The following PSTPIP1 variants were observed in gnomAD, a reference collection of about 807,000 sequenced individuals.
PSTPIP1 encodes the protein proline-serine-threonine phosphatase-interacting protein 1.
A neutral mutation model predicts 69.6 loss-of-function variants in PSTPIP1; 66 were observed. The observed-to-expected ratio is 0.95, with a 90% CI of 0.78 to 1.16. The LOEUF is 1.16. PSTPIP1 is among the 50% of genes most tolerant of loss of function. The pLI, the probability that PSTPIP1 is intolerant of heterozygous loss-of-function variation, is 0.00. For synonymous variants in PSTPIP1, 266 were observed against 222.7 expected, an observed-to-expected ratio of 1.19 and a Z score of -1.73; for missense variants, 603 against 557.4, an observed-to-expected ratio of 1.08 and a Z score of -0.82.
intron 1 of PSTPIP1, among the ~76,000 whole-genome samples, chr15:77,004,630 G>A (rs536238421): frequency 1.3e-5 from 2 of 151,454 alleles, no homozygotes; most frequent in Admixed American, 6.6e-5. Flanking sequence ...GAGGTGGGAA[G>A]ATCACTTGAA....
Position 77,037,116 on chromosome 15 carries a change from G to C in PSTPIP1, c.1191G>C (p.Trp397Cys). 6.2e-7 allele frequency: 1 copy of C among 1,612,382 alleles called. No homozygotes were observed. Among genetic ancestry groups the C allele is most frequent in the Non-Finnish European group, 8.5e-7 (1 of 1,179,712 alleles). ...TCCTGGAAGGGGAGGATGGCTGGTG[G>C]ACTGTGGAGAGGAACGGGCAGCGTG... ...EVILEGEDGW[W>C]TVERNGQRGF... The change falls in exon 15 of 15, where the codon TGG becomes TGC. Residue 397 changes from tryptophan to cysteine, a missense_variant. Physicochemically the swap from Trp to Cys is radical, Grantham distance 215. Transcript: ENST00000558012.
Position 77,025,300 on chromosome 15 carries a change from T to G in PSTPIP1, c.229T>G (p.Phe77Val). Residue 77 changes from phenylalanine (F) to valine (V), a missense_variant, in exon 4 of 15, where the codon TTT becomes GTT. Transcript: ENST00000558012. ...GTTTTGCAGCTCCCTGAGGGCCTCC[T>G]TTGACTCCTTGAAGCAGCGTAAGTC... The part of the protein sequence containing the change: ...QTEINSLRAS[F>V]DSLKQQMENV... The G allele has an allele frequency of 3.1e-6, 5 of 1,611,254 alleles. No homozygotes were observed. The highest frequency in any genetic ancestry group is 4.2e-6 in the Non-Finnish European group (5 of 1,177,492).
In PSTPIP1 at chr15:77,032,352, G is replaced by A. The variant is rs104895418; in HGVS notation, c.796G>A (p.Asp266Asn). The stretch of plus-strand genomic sequence containing the variant: ...AGGCTGCAGCATAGACGCCGACATC[G>A]ACAGTTTCATCCAGGCCAAGAGCAC... ...LEGCSIDADI[D>N]SFIQAKSTGT... Residue 266 changes from aspartate to asparagine, a missense_variant, in exon 11 of 15, where the codon GAC becomes AAC. Transcript: ENST00000558012. 232 of 1,612,666 alleles carry A rather than the reference G, an allele frequency of 1.4e-4. No homozygotes were observed. The highest frequency in any genetic ancestry group is 6.4e-4 in the African/African-American group (48 of 75,054).
chr15:77,004,947 C>T (rs2075786849), intron 1 of PSTPIP1, among the ~76,000 whole-genome samples: 1 of 152,034 alleles, frequency 6.6e-6, no homozygotes, highest in Non-Finnish European at 1.5e-5. Context: ...CTAAAAAATC[C>T]CAATGCCCAG....
Position 77,006,825 on chromosome 15 carries a change from C to T in PSTPIP1, c.36+11216C>T, listed in dbSNP as rs537961682. On this transcript the variant is annotated intron_variant, in intron 1 of 14. Coordinates refer to ENST00000558012, the MANE Select transcript of PSTPIP1 (RefSeq NM_003978.5). ...TATATGTCTGTCCTTATGACACTAC[C>T]GCACTACTTCAATTACTGTAGCTTT... is the stretch of plus-strand genomic sequence containing the variant. Among the ~76,000 whole-genome samples the T allele has an allele frequency of 3.5e-4, 54 of 152,274 alleles. 1 individual carries two copies. In the South Asian group the frequency reaches 8.7e-3, roughly 25 times the overall value.
Position 77,032,960 on chromosome 15 carries a change from C to G in PSTPIP1, c.929+8C>G. 6.3e-7 allele frequency: 1 copy of G among 1,591,710 alleles called. No homozygotes were observed. The highest frequency in any genetic ancestry group is 8.6e-7 in the Non-Finnish European group (1 of 1,169,308). ...CTGCGGCATGATAAAGAGGTGAGGC[C>G]CCGACAGACGGAGGGAGGGCCTAAG... On this transcript the variant is annotated splice_region_variant and intron_variant, in intron 12 of 14. Coordinates refer to ENST00000558012, the MANE Select transcript of PSTPIP1 (RefSeq NM_003978.5).
chr15:77,029,513 C>T lies in PSTPIP1; in HGVS notation c.517-16C>T. The T allele has an allele frequency of 6.4e-7, 1 of 1,571,816 alleles. No individual in the cohort carries two copies. Among genetic ancestry groups the T allele is most frequent in the Non-Finnish European group, 8.6e-7 (1 of 1,159,492 alleles). On this transcript the variant is annotated splice_polypyrimidine_tract_variant and intron_variant, in intron 7 of 14. Coordinates refer to ENST00000558012, the MANE Select transcript of PSTPIP1 (RefSeq NM_003978.5). ...TGGGGCAGGGGCTTAGCGCTGCTTC[C>T]CCTCTGTTTCCTCAGAGTCAGAACA... is the stretch of plus-strand genomic sequence containing the variant.
In PSTPIP1 at chr15:77,018,013, C is replaced by T. The variant is rs118083575; in HGVS notation, c.37-135C>T. 6.5e-4 allele frequency: 546 copies of T among 839,160 alleles called. 10 individuals carry two copies. The East Asian group carries it at 0.015, about 23-fold the overall frequency. 52.0% of individuals were successfully genotyped at this position (839,160 alleles called of 1,614,324 possible). A position where few individuals can be genotyped will look rare whatever the true frequency, so the allele number is the denominator to read the frequency against. On this transcript the variant is annotated intron_variant, in intron 1 of 14. Transcript: ENST00000558012. Reference sequence around the variant, plus strand: ...CTGTGTAAAGCCAGGTCTGGAGTCCCAAGAGCTTGCCCTGAGCAGGGGAGA... The same window carrying T: ...CTGTGTAAAGCCAGGTCTGGAGTCCTAAGAGCTTGCCCTGAGCAGGGGAGA...
At chr15:77,036,176 G>A (rs1473581651) in intron 14 of PSTPIP1, among the ~76,000 whole-genome samples, 1 of 152,230 alleles carries the variant, frequency 6.6e-6, no homozygotes, top group African/African-American at 2.4e-5. Context: ...CAGTGTGCAT[G>A]TACTGACTGG....
chr15:77,010,798 C>T (rs2075918880), intron 1 of PSTPIP1, among the ~76,000 whole-genome samples: 1 of 152,090 alleles, frequency 6.6e-6, no homozygotes, highest in Non-Finnish European at 1.5e-5. Flanking sequence ...ATGTGCCCGC[C>T]ACTACGCCCA....
chr15:77,006,288 G>A (rs547672287), intron 1 of PSTPIP1, among the ~76,000 whole-genome samples: 1 of 152,174 alleles, frequency 6.6e-6, no homozygotes, highest in East Asian at 1.9e-4. Flanking sequence ...GTCTATTTAA[G>A]ACCTTTGCCC....
At chr15:77,014,388 G>A (rs570058927) in intron 1 of PSTPIP1, among the ~76,000 whole-genome samples, 32 of 152,278 alleles carry the variant, frequency 2.1e-4, no homozygotes, top group African/African-American at 7.2e-4. Context: ...AGAAGGGCCA[G>A]GGTCACGGGA....
rs376484540 is a variant in PSTPIP1 at position 77,029,595 on chromosome 15, C to T, written c.562+21C>T. The T allele has an allele frequency of 2.4e-4, 375 of 1,564,832 alleles. 1 individual carries two copies. The highest frequency in any genetic ancestry group is 2.3e-3 in the African/African-American group (167 of 73,720). Reference sequence around the variant, plus strand: ...GGCAGGTATGTGGGCCTGGCTGCCCCGTCCGACCAGGGCGGAGGCCTGGGC... The same window carrying T: ...GGCAGGTATGTGGGCCTGGCTGCCCTGTCCGACCAGGGCGGAGGCCTGGGC... On this transcript the variant is annotated intron_variant, in intron 8 of 14. Transcript: ENST00000558012.
In PSTPIP1 at chr15:77,037,086, G is replaced by A. The variant is rs138056015; in HGVS notation, c.1161G>A (p.Glu387=). The A allele has an allele frequency of 1.6e-5, 26 of 1,612,424 alleles. No homozygotes were observed. In the South Asian group the frequency reaches 2.6e-4, roughly 16 times the overall value. The change falls in exon 15 of 15, where the codon GAG becomes GAA. Residue 387 remains glutamate, a synonymous_variant. Coordinates refer to ENST00000558012, the MANE Select transcript of PSTPIP1 (RefSeq NM_003978.5). Reference sequence around the variant, plus strand: ...ACCTGTCCGCGGGAGACATCCTGGAGGTGATCCTGGAAGGGGAGGATGGCT... The same window carrying A: ...ACCTGTCCGCGGGAGACATCCTGGAAGTGATCCTGGAAGGGGAGGATGGCT... ...ELDLSAGDIL[E]VILEGEDGWW... is the part of the protein sequence containing the mutation.
chr15:77,000,598 C>T (rs2075687318), intron 1 of PSTPIP1, among the ~76,000 whole-genome samples: 1 of 151,984 alleles, frequency 6.6e-6, no homozygotes, highest in Non-Finnish European at 1.5e-5. Context: ...AGAAGAAGCA[C>T]CTTTAGTCTC....
Position 77,000,245 on chromosome 15 carries a change from A to G in PSTPIP1, c.36+4636A>G, listed in dbSNP as rs141140239. Reference sequence around the variant, plus strand: ...AGCTGGGCTGGTCTGCCCCTTCCCTATGTGGCACTCAGCCACTGGTGCCTT... The same window carrying G: ...AGCTGGGCTGGTCTGCCCCTTCCCTGTGTGGCACTCAGCCACTGGTGCCTT... On this transcript the variant is annotated intron_variant, in intron 1 of 14. Coordinates refer to ENST00000558012, the MANE Select transcript of PSTPIP1 (RefSeq NM_003978.5). Among the ~76,000 whole-genome samples the G allele has an allele frequency of 3.4e-4, 51 of 152,230 alleles. 1 individual carries two copies. The East Asian group carries it at 8.3e-3, about 25-fold the overall frequency.
chr15:77,002,221 T>G (rs2075723709), intron 1 of PSTPIP1, among the ~76,000 whole-genome samples: 1 of 152,224 alleles, frequency 6.6e-6, no homozygotes, highest in African/African-American at 2.4e-5. Flanking sequence ...GAGGGTCACC[T>G]GTGCAGGGTA....
intron 3 of PSTPIP1, among the ~76,000 whole-genome samples, chr15:77,022,945 G>A (rs900795687): frequency 6.6e-6 from 1 of 152,224 alleles, no homozygotes; most frequent in African/African-American, 2.4e-5. Context: ...GGGGACAAAT[G>A]GGAGTTCAAG....
rs1411657790 is a variant in PSTPIP1, at chr15:77,025,519, C to T, written c.269C>T (p.Ser90Leu). ...LKQQMENVGS[S>L]HIQLALTLRE... Reference sequence around the variant, plus strand: ...CCAGAAATGGAGAATGTGGGCAGCTCACACATCCAGCTGGCCCTGACCCTG... The same window carrying T: ...CCAGAAATGGAGAATGTGGGCAGCTTACACATCCAGCTGGCCCTGACCCTG... The change falls in exon 5 of 15, where the codon TCA becomes TTA. Residue 90 changes from serine (S) to leucine (L), a missense_variant. Coordinates refer to ENST00000558012, the MANE Select transcript of PSTPIP1 (RefSeq NM_003978.5). 3.9e-6 allele frequency: 6 copies of T among 1,557,056 alleles called. No homozygotes were observed. Among genetic ancestry groups the T allele is most frequent in the East Asian group, 4.8e-5 (2 of 41,240 alleles).
Sources: gnomAD v4.1 joint callset for allele counts (sites outside exome capture counted in the v4.1 genomes callset) on GRCh38, gnomAD v4.1.1 for gene constraint, MANE v1.5 for transcripts, NCBI Gene and HGNC (gene_info 2026-07-23, HGNC 2026-07-21) for gene names.